Variants in GABRG3 observed in about 807,000 individuals in gnomAD.
The protein encoded by GABRG3 is gamma-aminobutyric acid type A receptor subunit gamma3, also known as gamma-aminobutyric acid receptor subunit gamma-3.
In GABRG3, 25 loss-of-function variants were observed where a neutral mutation model predicts 48.8. The observed-to-expected ratio is 0.51, with a 90% CI of 0.37 to 0.72. GABRG3 has a LOEUF of 0.72. Ranked by LOEUF, GABRG3 falls within the 30% of genes least tolerant of loss-of-function variation. The probability of loss-of-function intolerance (pLI) is 0.00; values close to 1 mark genes in which losing one functional copy is unlikely to be tolerated. For synonymous variants in GABRG3, 227 were observed against 217.6 expected (o/e 1.04, Z -0.38); for missense variants, 394 against 577.9 (o/e 0.68, Z 3.26).
At chr15:27,501,332 C>G (rs571773239) in intron 6 of GABRG3, among the ~76,000 whole-genome samples, 36 of 152,292 alleles carry the variant, frequency 2.4e-4, no homozygotes, top group Admixed American at 2.2e-3. Flanking sequence ...CAGACATCAA[C>G]CACAGTGATG....
At chr15:27,289,832 C>T (rs150183055) in intron 3 of GABRG3, among the ~76,000 whole-genome samples, 2 of 152,188 alleles carry the variant, frequency 1.3e-5, no homozygotes, top group East Asian at 1.9e-4. Context: ...TAGATGATTA[C>T]GTATAGAAAT....
At chr15:27,194,883 C>A (rs1245089399) in intron 3 of GABRG3, among the ~76,000 whole-genome samples, 1 of 152,130 alleles carries the variant, frequency 6.6e-6, no homozygotes, top group Non-Finnish European at 1.5e-5. Flanking sequence ...AAAATTCTGA[C>A]AGTATAAAAG....
chr15:27,178,762 C>T (rs909337419), intron 3 of GABRG3, among the ~76,000 whole-genome samples: 1 of 152,272 alleles, frequency 6.6e-6, no homozygotes, highest in East Asian at 1.9e-4. Context: ...GGTCTAGATT[C>T]TTCTTGGGTT....
At chr15:27,472,608 A>G (rs1055938463) in intron 5 of GABRG3, among the ~76,000 whole-genome samples, 2 of 152,100 alleles carry the variant, frequency 1.3e-5, no homozygotes, top group African/African-American at 4.8e-5. Context: ...TATGCCTCTA[A>G]TTGTTTTATA....
At chr15:26,971,708 C>T in intron 1 of GABRG3, 120 bp downstream of exon 1, 1 of 1,148,900 alleles carries the variant, frequency 8.7e-7, no homozygotes, top group Non-Finnish European at 1.2e-6. Context: ...CACGGCGGGC[C>T]GGGAGGGGAC....
intron 3 of GABRG3, among the ~76,000 whole-genome samples, chr15:27,112,511 G>A (rs977429746): frequency 1.4e-5 from 2 of 147,996 alleles, no homozygotes; most frequent in Admixed American, 6.8e-5. Context: ...TACAATCTCA[G>A]CTTACTTCAA....
chr15:27,316,901 A>C (rs1042946863), intron 3 of GABRG3, among the ~76,000 whole-genome samples: 1 of 152,180 alleles, frequency 6.6e-6, no homozygotes, highest in African/African-American at 2.4e-5. Context: ...AGAATCTGAA[A>C]ATTTTAGTGA....
chr15:27,091,422 T>A (rs1021144818), intron 3 of GABRG3, among the ~76,000 whole-genome samples: 5 of 152,214 alleles, frequency 3.3e-5, no homozygotes, highest in Admixed American at 2.6e-4. Context: ...TAGGGGATAT[T>A]GTTCTGTCGT....
chr15:27,254,928 C>T (rs1890565436), intron 3 of GABRG3, among the ~76,000 whole-genome samples: 1 of 151,966 alleles, frequency 6.6e-6, no homozygotes, highest in Non-Finnish European at 1.5e-5. Context: ...GGTGAGGTGC[C>T]TGGGGTGCTC....
intron 6 of GABRG3, among the ~76,000 whole-genome samples, chr15:27,508,272 C>T (rs1890808436): frequency 6.6e-6 from 1 of 152,094 alleles, no homozygotes; most frequent in South Asian, 2.1e-4. Flanking sequence ...TAACAATGCT[C>T]CAATTTTGTT....
intron 5 of GABRG3, among the ~76,000 whole-genome samples, chr15:27,404,295 C>T (rs1470322489): frequency 6.6e-6 from 1 of 152,130 alleles, no homozygotes; most frequent in Non-Finnish European, 1.5e-5. Context: ...CTTTTAAGTC[C>T]TTCTCTGGTA....
At chr15:27,151,937 T>C (rs529580370) in intron 3 of GABRG3, among the ~76,000 whole-genome samples, 25 of 152,332 alleles carry the variant, frequency 1.6e-4, no homozygotes, top group Admixed American at 9.8e-4. Flanking sequence ...GCAAATATTT[T>C]ACTCCAGTCT....
intron 3 of GABRG3, among the ~76,000 whole-genome samples, chr15:27,204,400 G>T (rs1269501688): frequency 1.3e-5 from 2 of 151,938 alleles, no homozygotes; most frequent in Non-Finnish European, 2.9e-5. Flanking sequence ...TTGTTGCATT[G>T]GTCTGTATGT....
rs553669173 is a variant in GABRG3 at position 27,353,212 on chromosome 15, C to T, written c.574+24324C>T. ...CAGCTGTGTTCCTGTAACCAATCTC[C>T]ATCTCACTGGGAACAAAAGGCCAGT... On this transcript the variant is annotated intron_variant, in intron 5 of 9. Coordinates refer to ENST00000615808, the MANE Select transcript of GABRG3 (RefSeq NM_033223.5). Among the ~76,000 whole-genome samples, 7 of 152,080 alleles carry T rather than the reference C, an allele frequency of 4.6e-5. No homozygotes were observed. The East Asian group carries it at 1.4e-3, about 30-fold the overall frequency.
At chr15:26,982,065 C>T (rs1895065742) in intron 2 of GABRG3, among the ~76,000 whole-genome samples, 1 of 152,182 alleles carries the variant, frequency 6.6e-6, no homozygotes, top group Admixed American at 6.5e-5. Flanking sequence ...AATATTTCTT[C>T]AGTGAGTGAT....
chr15:27,103,397 C>T (rs1442095610), intron 3 of GABRG3, among the ~76,000 whole-genome samples: 1 of 152,154 alleles, frequency 6.6e-6, no homozygotes, highest in East Asian at 1.9e-4. Context: ...AGTATCCCCA[C>T]AGCAGGTTCA....
At chr15:27,355,568 C>T (rs1894807939) in intron 5 of GABRG3, among the ~76,000 whole-genome samples, 1 of 152,158 alleles carries the variant, frequency 6.6e-6, no homozygotes, top group Non-Finnish European at 1.5e-5. Flanking sequence ...GGCAGTTCCT[C>T]AAACAGTAAA....
intron 3 of GABRG3, among the ~76,000 whole-genome samples, chr15:27,301,848 A>C (rs533466295): frequency 6.6e-6 from 1 of 152,236 alleles, no homozygotes; most frequent in South Asian, 2.1e-4. Flanking sequence ...CTATAGTGGA[A>C]CAGTGATTCA....
intron 5 of GABRG3, among the ~76,000 whole-genome samples, chr15:27,377,462 T>C (rs1595713924): frequency 1.3e-5 from 2 of 152,194 alleles, no homozygotes; most frequent in East Asian, 3.9e-4. Context: ...GTTTAAGGAC[T>C]CACAGTTCCA....
Sources: gnomAD v4.1 joint callset for allele counts (sites outside exome capture counted in the v4.1 genomes callset) on GRCh38, gnomAD v4.1.1 for gene constraint, MANE v1.5 for transcripts, NCBI Gene and HGNC (gene_info 2026-07-23, HGNC 2026-07-21) for gene names.